NAALADL2: variants seen among roughly 807,000 people sequenced by gnomAD.
NAALADL2 encodes N-acetylated alpha-linked acidic dipeptidase like 2, also known as inactive N-acetylated-alpha-linked acidic dipeptidase-like protein 2.
Under a neutral mutation model 87.2 loss-of-function variants are expected in NAALADL2, and 76 were observed. The observed-to-expected ratio is 0.87, with a 90% CI of 0.72 to 1.05. The LOEUF (loss-of-function observed/expected upper bound fraction) is 1.05, where lower values mean the gene tolerates loss of function less well. NAALADL2 is among the 50% of genes least tolerant of loss of function. The pLI is 0.00. For missense variants in NAALADL2, 1,089 were observed against 945.8 expected (o/e 1.15, Z -1.99); for synonymous variants, 354 against 331.0 (o/e 1.07, Z -0.75).
chr3:175,293,860 A>C (rs1241161080), intron 4 of NAALADL2, among the ~76,000 whole-genome samples: 1 of 152,212 alleles, frequency 6.6e-6, no homozygotes, highest in African/African-American at 2.4e-5. Flanking sequence ...ATACCATAAG[A>C]AACTAAATAA....
chr3:174,574,287 T>C (rs1715280586), intron 2 of NAALADL2, among the ~76,000 whole-genome samples: 1 of 152,166 alleles, frequency 6.6e-6, no homozygotes, highest in South Asian at 2.1e-4. Context: ...TTTCATAATG[T>C]GTGTTGAAAC....
chr3:175,146,601 G>A (rs1730780894), intron 2 of NAALADL2, among the ~76,000 whole-genome samples: 1 of 152,074 alleles, frequency 6.6e-6, no homozygotes, highest in South Asian at 2.1e-4. Context: ...CAGTGTGCTG[G>A]ACGAACTAGA....
intron 1 of NAALADL2, among the ~76,000 whole-genome samples, chr3:174,882,542 CACATATGTACATATGTGTATATAT>C (rs1194245880): frequency 7.5e-4 from 109 of 145,246 alleles, no homozygotes; most frequent in African/African-American, 2.7e-3. Flanking sequence ...TATGCATACA[CACATATGTACATATGTGTATATAT>C]ACATATGTGC....
At chr3:175,109,840 C>T (rs1039096699) in intron 2 of NAALADL2, among the ~76,000 whole-genome samples, 1 of 151,758 alleles carries the variant, frequency 6.6e-6, no homozygotes, top group African/African-American at 2.4e-5. Context: ...AACAAACGAA[C>T]CCACTCGTAA....
intron 5 of NAALADL2, among the ~76,000 whole-genome samples, chr3:175,403,767 C>T (rs2149067677): frequency 6.6e-6 from 1 of 152,208 alleles, no homozygotes; most frequent in South Asian, 2.1e-4. Flanking sequence ...ATTGACATTA[C>T]TTAAGAAACA....
chr3:174,596,859 C>A (rs1717961833), intron 2 of NAALADL2, among the ~76,000 whole-genome samples: 1 of 152,152 alleles, frequency 6.6e-6, no homozygotes, highest in African/African-American at 2.4e-5. Context: ...GAATGCCTTG[C>A]CCATGGCCAG....
intron 4 of NAALADL2, among the ~76,000 whole-genome samples, chr3:175,307,952 A>G (rs58060778): frequency 0.05 from 7,553 of 152,266 alleles, 595 homozygotes; most frequent in African/African-American, 0.17. Context: ...ATTAAAGCAG[A>G]AAACAAAGTA....
chr3:174,593,762 T>C (rs916302444), intron 2 of NAALADL2, among the ~76,000 whole-genome samples: 7 of 152,156 alleles, frequency 4.6e-5, no homozygotes, highest in African/African-American at 1.4e-4. Flanking sequence ...TTTTATCTCC[T>C]CACCTGACAC....
intron 2 of NAALADL2, among the ~76,000 whole-genome samples, chr3:175,101,657 A>G (rs1050382802): frequency 2.0e-5 from 3 of 152,240 alleles, no homozygotes; most frequent in Admixed American, 6.5e-5. Context: ...TTCTGAGCAG[A>G]TTAAGTATGT....
At chr3:174,664,991 C>CA (rs1217004801) in intron 2 of NAALADL2, among the ~76,000 whole-genome samples, 1 of 152,200 alleles carries the variant, frequency 6.6e-6, no homozygotes, top group African/African-American at 2.4e-5. Flanking sequence ...GTTGCTTAGC[C>CA]ACAGGCTAGC....
intron 13 of NAALADL2, among the ~76,000 whole-genome samples, chr3:175,785,501 G>A (rs1751804547): frequency 7.8e-6 from 1 of 127,466 alleles, no homozygotes; most frequent in Non-Finnish European, 1.6e-5. Context: ...TTTAAAGTCT[G>A]TTTTATCAGA....
At chr3:175,442,759 G>C (rs1720019223) in intron 5 of NAALADL2, among the ~76,000 whole-genome samples, 1 of 152,134 alleles carries the variant, frequency 6.6e-6, no homozygotes, top group Non-Finnish European at 1.5e-5. Flanking sequence ...CAGAGAATTA[G>C]CTAGCTACTA....
At chr3:175,780,401 C>A (rs1750886463) in intron 13 of NAALADL2, among the ~76,000 whole-genome samples, 2 of 151,936 alleles carry the variant, frequency 1.3e-5, no homozygotes. Flanking sequence ...ATCACATATG[C>A]AAATTTGCAT....
intron 2 of NAALADL2, among the ~76,000 whole-genome samples, chr3:174,670,077 T>C (rs1019639514): frequency 6.6e-6 from 1 of 151,954 alleles, no homozygotes; most frequent in African/African-American, 2.4e-5. Flanking sequence ...TATTTTTGTG[T>C]GTCAATTTTG....
intron 13 of NAALADL2, among the ~76,000 whole-genome samples, chr3:175,792,220 A>T (rs969035275): frequency 1.3e-5 from 2 of 152,240 alleles, no homozygotes; most frequent in African/African-American, 2.4e-5. Flanking sequence ...AAAAGTACCA[A>T]AGTGCTCCTT....
intron 2 of NAALADL2, among the ~76,000 whole-genome samples, chr3:175,145,342 A>T (rs1730591526): frequency 6.6e-6 from 1 of 151,986 alleles, no homozygotes; most frequent in South Asian, 2.1e-4. Flanking sequence ...ATTTAGACAA[A>T]TTTCTATTTC....
chr3:174,613,287 C>G (rs1720119209), intron 2 of NAALADL2, among the ~76,000 whole-genome samples: 1 of 152,186 alleles, frequency 6.6e-6, no homozygotes, highest in African/African-American at 2.4e-5. Context: ...TGAAAGTCAT[C>G]TCTGTTTTCT....
At chr3:175,773,688 G>C (rs539828807) in intron 13 of NAALADL2, 1 of 152,024 alleles carries the variant, frequency 6.6e-6, no homozygotes, top group Non-Finnish European at 1.5e-5. Flanking sequence ...TCAGAAAAAC[G>C]TTTGCTGAGA....
intron 9 of NAALADL2, among the ~76,000 whole-genome samples, chr3:175,509,129 GA>G (rs1282855623): frequency 3.4e-5 from 5 of 147,766 alleles, no homozygotes; most frequent in Admixed American, 2.8e-4. Flanking sequence ...AAAAAAAAAA[GA>G]AAAAAAAAGA....
Sources: gnomAD v4.1 joint callset for allele counts (sites outside exome capture counted in the v4.1 genomes callset) on GRCh38, gnomAD v4.1.1 for gene constraint, MANE v1.5 for transcripts, NCBI Gene and HGNC (gene_info 2026-07-23, HGNC 2026-07-21) for gene names.